Variants in ETV5 observed in about 807,000 individuals in gnomAD.
The protein encoded by ETV5 is ETS translocation variant 5.
Under a neutral mutation model 70.0 loss-of-function variants are expected in ETV5, and 10 were observed. The ratio of observed to expected loss-of-function variants is 0.14; its 90% CI spans 0.09 to 0.24. The LOEUF (loss-of-function observed/expected upper bound fraction) is 0.24. Among genes scored for constraint, ETV5 ranks in the 10% least tolerant of loss-of-function variants. ETV5 has a pLI of 1.00. For missense variants in ETV5, 453 were observed against 651.2 expected (o/e 0.70, Z 3.31); for synonymous variants, 216 against 242.2 (o/e 0.89, Z 1.01).
At chr3:186,099,220 C>T (rs916455821) in intron 5 of ETV5, among the ~76,000 whole-genome samples, 6 of 152,294 alleles carry the variant, frequency 3.9e-5, no homozygotes, top group South Asian at 2.1e-4. Flanking sequence ...TAACTAGTGC[C>T]GGCACATACT....
In ETV5 at chr3:186,046,593, G is replaced by A. The variant is rs188833358; in HGVS notation, c.*2046C>T. 1.5e-4 allele frequency: 33 copies of A among 220,468 alleles called. No homozygotes were observed. The highest frequency in any genetic ancestry group is 1.4e-3 in the East Asian group (21 of 14,962). 13.7% of individuals were successfully genotyped at this position (220,468 alleles called of 1,614,324 possible). On this transcript the variant is annotated 3_prime_UTR_variant, in exon 13 of 13. Coordinates refer to ENST00000306376, the MANE Select transcript of ETV5 (RefSeq NM_004454.3). ...TATGCCCAGTGACAGCACAGGTCAC[G>A]TAAGTTACAGCAGGGGAGGGGTAGC...
chr3:186,105,975 A>G lies in ETV5; in HGVS notation c.-74-33T>C. On this transcript the variant is annotated intron_variant, in intron 1 of 12. Transcript: ENST00000306376. This position sits in a 1 kb window ranked among gnomAD's most constrained non-coding sequence, Gnocchi z 4.5. Reference sequence around the variant, plus strand: ...ATGAATTTGGGAGATTTTAACTAAGAGGGGGGAAAAAAAGAAATGAAACAA... The same window carrying G: ...ATGAATTTGGGAGATTTTAACTAAGGGGGGGGAAAAAAAGAAATGAAACAA... 1 of 1,437,038 alleles carries G rather than the reference A, an allele frequency of 7.0e-7. No homozygotes were observed. The highest frequency in any genetic ancestry group is 1.4e-5 in the African/African-American group (1 of 70,466). 89.0% of individuals were successfully genotyped at this position (1,437,038 alleles called of 1,614,324 possible). A position where few individuals can be genotyped will look rare whatever the true frequency, so the allele number is the denominator to read the frequency against.
At chr3:186,078,203 T>G in intron 7 of ETV5, 1 of 1,051,634 alleles carries the variant, frequency 9.5e-7, no homozygotes, top group Non-Finnish European at 1.1e-6. Flanking sequence ...ATACAGTATG[T>G]TACATAAGCC....
chr3:186,068,988 G>T (rs890124123), intron 7 of ETV5, among the ~76,000 whole-genome samples: 2 of 152,304 alleles, frequency 1.3e-5, no homozygotes, highest in South Asian at 2.1e-4. Flanking sequence ...TTAATTCAAA[G>T]AATTCTTGAA....
At chr3:186,071,270 G>T (rs187990974) in intron 7 of ETV5, among the ~76,000 whole-genome samples, 20 of 152,208 alleles carry the variant, frequency 1.3e-4, no homozygotes, top group Admixed American at 1.0e-3. Flanking sequence ...AGCAGTGGCC[G>T]TTTAAAGGCC....
At chr3:186,063,712 T>C (rs939169049) in intron 9 of ETV5, among the ~76,000 whole-genome samples, 3 of 152,196 alleles carry the variant, frequency 2.0e-5, no homozygotes. Flanking sequence ...TTTGTGTCCT[T>C]CAATAATGCA....
chr3:186,102,636 CAAAAAAA>C (rs35154225), intron 5 of ETV5, among the ~76,000 whole-genome samples: 2 of 91,840 alleles, frequency 2.2e-5, no homozygotes. Context: ...ACTCTCTCTC[CAAAAAAA>C]AAAAAAAAAA....
chr3:186,105,987 A>C lies in ETV5; in HGVS notation c.-74-45T>G. On this transcript the variant is annotated intron_variant, in intron 1 of 12. Transcript: ENST00000306376. This position sits in a 1 kb window ranked among gnomAD's most constrained non-coding sequence, Gnocchi z 4.5. ...GATTTTAACTAAGAGGGGGGAAAAAAAGAAATGAAACAATTTTAGACTGCC... is the reference window on the plus strand; with the variant it reads ...GATTTTAACTAAGAGGGGGGAAAAACAGAAATGAAACAATTTTAGACTGCC... 7.2e-7 allele frequency: 1 copy of C among 1,384,132 alleles called. No individual in the cohort carries two copies. Among genetic ancestry groups the C allele is most frequent in the Non-Finnish European group, 1.0e-6 (1 of 1,000,234 alleles). 85.7% of individuals were successfully genotyped at this position (1,384,132 alleles called of 1,614,324 possible). A position where few individuals can be genotyped will look rare whatever the true frequency, so the allele number is the denominator to read the frequency against.
At chr3:186,058,002 A>C (rs1467894306) in intron 9 of ETV5, among the ~76,000 whole-genome samples, 2 of 152,238 alleles carry the variant, frequency 1.3e-5, no homozygotes, top group African/African-American at 4.8e-5. Flanking sequence ...AAAATGAATA[A>C]AGACTTGGGC....
chr3:186,081,110 A>G lies in ETV5; in HGVS notation c.298T>C (p.Ser100Pro). 3 of 1,613,892 alleles carry G rather than the reference A, an allele frequency of 1.9e-6. No individual in the cohort carries two copies. Among genetic ancestry groups the G allele is most frequent in the South Asian group, 1.1e-5 (1 of 91,036 alleles). Residue 100 changes from serine to proline, a missense_variant, in exon 6 of 13, where the codon TCG becomes CCG. Ser to Pro is a moderately conservative substitution (Grantham distance 74). Around this residue, in one of 4 missense-constraint regions of ETV5, gnomAD observed 307 missense variants for 344.9 expected, o/e 0.89. Transcript: ENST00000306376. Reference sequence around the variant, plus strand: ...AGAGCCTGCTCATGGCTACAAGACGACAGCTCAGAGGAGGGGCTGTGCAGC... The same window carrying G: ...AGAGCCTGCTCATGGCTACAAGACGGCAGCTCAGAGGAGGGGCTGTGCAGC... ...RELHSPSSEL[S>P]SCSHEQALGA...
chr3:186,059,723 G>A (rs925303074), intron 9 of ETV5, among the ~76,000 whole-genome samples: 8 of 152,170 alleles, frequency 5.3e-5, no homozygotes, highest in African/African-American at 1.7e-4. Flanking sequence ...ACTGAATAAT[G>A]TCAGAGCTTG....
intron 5 of ETV5, among the ~76,000 whole-genome samples, chr3:186,104,416 T>C (rs1252282973): frequency 6.6e-6 from 1 of 152,102 alleles, no homozygotes; most frequent in Non-Finnish European, 1.5e-5. Flanking sequence ...AAGTTTCTCT[T>C]CTCTGAAGAG....
chr3:186,071,636 A>C (rs1301405206), intron 7 of ETV5, among the ~76,000 whole-genome samples: 3 of 152,162 alleles, frequency 2.0e-5, no homozygotes, highest in Non-Finnish European at 4.4e-5. Flanking sequence ...CCTTCTCCCC[A>C]CAACTCCCAA....
chr3:186,097,311 C>T (rs796117102), intron 5 of ETV5, among the ~76,000 whole-genome samples: 13 of 152,212 alleles, frequency 8.5e-5, no homozygotes, highest in African/African-American at 3.1e-4. Context: ...GGAGTGAAGG[C>T]AAAGGAGTAG....
chr3:186,087,768 C>A (rs1714092067), intron 5 of ETV5, among the ~76,000 whole-genome samples: 1 of 152,226 alleles, frequency 6.6e-6, no homozygotes, highest in Non-Finnish European at 1.5e-5. Flanking sequence ...ACTATTACAG[C>A]CCCAAGGATC....
chr3:186,085,653 C>T (rs1478738273), intron 5 of ETV5, among the ~76,000 whole-genome samples: 1 of 151,966 alleles, frequency 6.6e-6, no homozygotes, highest in African/African-American at 2.4e-5. Context: ...GGATTACAGG[C>T]ATGCACCACC....
At chr3:186,059,633 C>T (rs1371304615) in intron 9 of ETV5, among the ~76,000 whole-genome samples, 1 of 152,152 alleles carries the variant, frequency 6.6e-6, no homozygotes, top group Non-Finnish European at 1.5e-5. Flanking sequence ...GCTCCTGGTA[C>T]ATAAGTGTGT....
intron 12 of ETV5, among the ~76,000 whole-genome samples, chr3:186,050,766 C>A (rs775256097): frequency 6.6e-6 from 1 of 151,992 alleles, no homozygotes; most frequent in Non-Finnish European, 1.5e-5. Flanking sequence ...TAAGACACAG[C>A]GAGAAGAGCA....
chr3:186,057,306 C>CA lies in ETV5; in HGVS notation c.1040-63dup. ...TCCTAAGTTTCTCAGGTGGTTGGGA[C>CA]AAAAAGGAGTTGTTCATGCTGATTT... On this transcript the variant is annotated intron_variant, in intron 10 of 12. Coordinates refer to ENST00000306376, the MANE Select transcript of ETV5 (RefSeq NM_004454.3). The surrounding 1 kb of genome is among the most constrained non-coding windows in gnomAD (Gnocchi z 4.9). The CA allele has an allele frequency of 6.2e-7, 1 of 1,606,408 alleles. No homozygotes were observed. Among genetic ancestry groups the CA allele is most frequent in the Non-Finnish European group, 8.5e-7 (1 of 1,175,524 alleles).
Sources: allele counts gnomAD v4.1 joint callset (sites outside exome capture counted in the v4.1 genomes callset), GRCh38; gene constraint gnomAD v4.1.1; regional missense constraint gnomAD v4.1.1; non-coding constraint Gnocchi (gnomAD v3.1); transcripts MANE v1.5; gene names NCBI Gene and HGNC (gene_info 2026-07-23, HGNC 2026-07-21).